MTSS1: variants seen among roughly 807,000 people sequenced by gnomAD.
The protein encoded by MTSS1 is protein MTSS 1.
Under a neutral mutation model 79.0 loss-of-function variants are expected in MTSS1, and 18 were observed. The ratio of observed to expected loss-of-function variants is 0.23; its 90% CI spans 0.16 to 0.34. MTSS1 has a LOEUF of 0.34. Among genes scored for constraint, MTSS1 ranks in the 10% least tolerant of loss-of-function variants. The probability of loss-of-function intolerance (pLI) is 1.00; values close to 1 mark genes in which losing one functional copy is unlikely to be tolerated. For synonymous variants in MTSS1, 341 were observed against 368.6 expected (o/e 0.93, Z 0.86); for missense variants, 815 against 986.2 (o/e 0.83, Z 2.33).
chr8:124,609,814 A>T (rs1003927688), intron 3 of MTSS1, among the ~76,000 whole-genome samples: 2 of 152,226 alleles, frequency 1.3e-5, no homozygotes, highest in Non-Finnish European at 2.9e-5. Flanking sequence ...TAAAGGGGAA[A>T]GAGTTTAAAA....
chr8:124,645,766 A>G (rs934367673), intron 3 of MTSS1, among the ~76,000 whole-genome samples: 37 of 152,150 alleles, frequency 2.4e-4, no homozygotes, highest in Admixed American at 2.3e-3. Context: ...GCATCTTACT[A>G]TTTTGAGTAC....
intron 7 of MTSS1, chr8:124,567,834 G>C (rs13251109): frequency 0.079 from 118,312 of 1,496,146 alleles, 5,366 homozygotes; most frequent in East Asian, 0.21. Context: ...TGGTACCTTC[G>C]AATCAGCTTC....
chr8:124,672,910 C>CAT (rs1563974171), intron 3 of MTSS1, among the ~76,000 whole-genome samples: 1 of 151,782 alleles, frequency 6.6e-6, no homozygotes, highest in Non-Finnish European at 1.5e-5. Context: ...CACATGCACA[C>CAT]ATATATATGG....
chr8:124,701,485 AT>A (rs1423668657), intron 2 of MTSS1, among the ~76,000 whole-genome samples: 1 of 152,192 alleles, frequency 6.6e-6, no homozygotes, highest in Non-Finnish European at 1.5e-5. Context: ...TTTGAAGCAT[AT>A]TTTTTAAAGA....
chr8:124,554,854 A>G (rs1311431253), intron 13 of MTSS1, among the ~76,000 whole-genome samples: 2 of 152,196 alleles, frequency 1.3e-5, no homozygotes, highest in African/African-American at 4.8e-5. Context: ...AAATGAAGCT[A>G]TTCCTTTGAG....
At chr8:124,631,991 G>A (rs1816046793) in intron 3 of MTSS1, among the ~76,000 whole-genome samples, 1 of 152,148 alleles carries the variant, frequency 6.6e-6, no homozygotes, top group Non-Finnish European at 1.5e-5. Context: ...AAAAGTTAAG[G>A]AGCATCCGGG....
At chr8:124,699,200 G>A (rs926039412) in intron 3 of MTSS1, 3 of 269,290 alleles carry the variant, frequency 1.1e-5, no homozygotes, top group Non-Finnish European at 2.1e-5. Flanking sequence ...CACGTAAGGA[G>A]GAAAACGCAA....
chr8:124,593,122 C>T (rs1832133785), intron 3 of MTSS1, among the ~76,000 whole-genome samples: 1 of 152,198 alleles, frequency 6.6e-6, no homozygotes, highest in African/African-American at 2.4e-5. Context: ...CAGCAGAGGG[C>T]GCCGTTTTCA....
chr8:124,600,006 C>T (rs1833491442), intron 3 of MTSS1, among the ~76,000 whole-genome samples: 1 of 151,422 alleles, frequency 6.6e-6, no homozygotes, highest in South Asian at 2.1e-4. Flanking sequence ...CAAGGGTCTG[C>T]CTGGCGTAGG....
chr8:124,692,925 G>A (rs1828195835), intron 3 of MTSS1, among the ~76,000 whole-genome samples: 1 of 152,132 alleles, frequency 6.6e-6, no homozygotes. Context: ...AGCAGGTCCT[G>A]TTAGAGGTGT....
At chr8:124,601,496 T>C (rs1203364710) in intron 3 of MTSS1, among the ~76,000 whole-genome samples, 2 of 152,206 alleles carry the variant, frequency 1.3e-5, no homozygotes, top group Non-Finnish European at 2.9e-5. Context: ...CAGGGCCACT[T>C]AGGGACACTG....
intron 1 of MTSS1, among the ~76,000 whole-genome samples, chr8:124,714,083 C>T (rs987640960): frequency 6.6e-6 from 1 of 152,126 alleles, no homozygotes; most frequent in Non-Finnish European, 1.5e-5. Context: ...ATAGTTCCTC[C>T]CATCAAAAGA....
At chr8:124,690,230 G>A (rs1564003165) in intron 3 of MTSS1, among the ~76,000 whole-genome samples, 1 of 152,180 alleles carries the variant, frequency 6.6e-6, no homozygotes, top group Non-Finnish European at 1.5e-5. Context: ...ACAGGGAACA[G>A]CACACACACA....
At chr8:124,641,056 T>C (rs1395360452) in intron 3 of MTSS1, among the ~76,000 whole-genome samples, 1 of 149,916 alleles carries the variant, frequency 6.7e-6, no homozygotes, top group African/African-American at 2.5e-5. Flanking sequence ...CAAGTACATG[T>C]GGCAAAAAAA....
intron 3 of MTSS1, among the ~76,000 whole-genome samples, chr8:124,662,895 C>T (rs1822334927): frequency 6.6e-6 from 1 of 152,100 alleles, no homozygotes; most frequent in Non-Finnish European, 1.5e-5. Flanking sequence ...AGATAAAGCT[C>T]ACGGAAATCA....
At chr8:124,612,972 G>A (rs559320286) in intron 3 of MTSS1, among the ~76,000 whole-genome samples, 26 of 152,200 alleles carry the variant, frequency 1.7e-4, no homozygotes, top group African/African-American at 4.8e-4. Context: ...AGCAGAGCAC[G>A]GTGCTATGAC....
intron 3 of MTSS1, among the ~76,000 whole-genome samples, chr8:124,650,535 C>G (rs780970372): frequency 3.9e-5 from 6 of 152,134 alleles, no homozygotes; most frequent in Non-Finnish European, 7.3e-5. Context: ...TCGCCCTTCT[C>G]TCCGATCCTT....
intron 3 of MTSS1, among the ~76,000 whole-genome samples, chr8:124,650,020 G>T (rs181345451): frequency 6.6e-6 from 1 of 150,612 alleles, no homozygotes; most frequent in Non-Finnish European, 1.5e-5. Flanking sequence ...CAACAGAAGC[G>T]CTGAAGAGCC....
intron 3 of MTSS1, among the ~76,000 whole-genome samples, chr8:124,610,823 C>T (rs1835664083): frequency 6.6e-6 from 1 of 152,152 alleles, no homozygotes; most frequent in African/African-American, 2.4e-5. Flanking sequence ...CAATGCCTGC[C>T]ATGAGCTCAA....
Sources: gnomAD v4.1 joint callset for allele counts (sites outside exome capture counted in the v4.1 genomes callset) on GRCh38, gnomAD v4.1.1 for gene constraint, MANE v1.5 for transcripts, NCBI Gene and HGNC (gene_info 2026-07-23, HGNC 2026-07-21) for gene names.